The following BMPR2 variants were observed in gnomAD, a reference collection of about 807,000 sequenced individuals.
The protein encoded by BMPR2 is bone morphogenetic protein receptor type 2.
A neutral mutation model predicts 100.8 loss-of-function variants in BMPR2; 29 were observed. The observed-to-expected ratio is 0.29, with a 90% CI of 0.21 to 0.39. BMPR2 has a LOEUF of 0.39. Ranked by LOEUF, BMPR2 falls within the 10% of genes least tolerant of loss-of-function variation. BMPR2 has a pLI of 1.00. For missense variants in BMPR2, 1,011 were observed against 1,274.5 expected, an observed-to-expected ratio of 0.79 and a Z score of 3.15; for synonymous variants, 382 against 442.3, an observed-to-expected ratio of 0.86 and a Z score of 1.71.
intron 3 of BMPR2, among the ~76,000 whole-genome samples, chr2:202,489,998 G>T (rs1251250696): frequency 6.6e-6 from 1 of 152,140 alleles, no homozygotes; most frequent in South Asian, 2.1e-4. Context: ...TCAGCTTCAG[G>T]CTTCAGGATC....
At chr2:202,384,562 TTCTTTC>T (rs1369579670) in intron 1 of BMPR2, among the ~76,000 whole-genome samples, 1 of 17,726 alleles carries the variant, frequency 5.6e-5, no homozygotes, top group East Asian at 1.0e-3. Context: ...CTTTCTTTCT[TTCTTTC>T]TTTTTCTTTC....
chr2:202,536,462 G>C (rs1688159294), intron 9 of BMPR2, among the ~76,000 whole-genome samples: 2 of 152,118 alleles, frequency 1.3e-5, no homozygotes, highest in Non-Finnish European at 2.9e-5. Context: ...TCAGTGATTA[G>C]TAGATTAAGT....
intron 1 of BMPR2, among the ~76,000 whole-genome samples, chr2:202,383,946 T>G (rs1405517909): frequency 1.3e-5 from 2 of 151,832 alleles, no homozygotes; most frequent in Non-Finnish European, 2.9e-5. Context: ...CCGAGGCTGG[T>G]GGATCAACTG....
At chr2:202,518,223 C>T (rs1010225849) in intron 5 of BMPR2, among the ~76,000 whole-genome samples, 3 of 147,228 alleles carry the variant, frequency 2.0e-5, no homozygotes, top group Admixed American at 1.4e-4. Flanking sequence ...CTGCAACCTC[C>T]GTTTCCTGGG....
intron 3 of BMPR2, among the ~76,000 whole-genome samples, chr2:202,504,059 C>T (rs867170517): frequency 9.9e-5 from 15 of 152,124 alleles, no homozygotes; most frequent in Middle Eastern, 3.4e-3. Flanking sequence ...CTGGTGGGGA[C>T]GTGGAGAACC....
intron 1 of BMPR2, among the ~76,000 whole-genome samples, chr2:202,392,443 A>G (rs1323149261): frequency 2.0e-5 from 3 of 149,566 alleles, no homozygotes; most frequent in Non-Finnish European, 4.5e-5. Context: ...ACTGAATTCC[A>G]AATAAAGAAA....
At chr2:202,511,767 C>T (rs1687629673) in intron 3 of BMPR2, among the ~76,000 whole-genome samples, 1 of 151,798 alleles carries the variant, frequency 6.6e-6, no homozygotes, top group South Asian at 2.1e-4. Flanking sequence ...ACCTGTAATC[C>T]CAGCACTTTG....
rs574360030 is a variant in BMPR2, at chr2:202,535,583, C to T, written c.1276+2851C>T. Among the ~76,000 whole-genome samples the T allele has an allele frequency of 4.0e-5, 6 of 150,874 alleles. No homozygotes were observed. In the South Asian group the frequency reaches 8.4e-4, roughly 21 times the overall value. ...AGATGGGATGGCGGCCGGGCGGAGACGCTCCCCACTTTCCAGACTGGGCAG... is the reference window on the plus strand; with the variant it reads ...AGATGGGATGGCGGCCGGGCGGAGATGCTCCCCACTTTCCAGACTGGGCAG... On this transcript the variant is annotated intron_variant, in intron 9 of 12. Transcript: ENST00000374580.
At chr2:202,452,565 T>C (rs917673347) in intron 1 of BMPR2, among the ~76,000 whole-genome samples, 5 of 152,180 alleles carry the variant, frequency 3.3e-5, no homozygotes, top group Admixed American at 3.3e-4. Flanking sequence ...GGAGGATCAC[T>C]TGAGCCCAGG....
At position 202,467,566 on chromosome 2, in the gene BMPR2, T is replaced by C. The variant is rs863223425; in HGVS notation, c.295T>C (p.Cys99Arg). ...TCCCCAAGAGTGTCACTATGAAGAA[T>C]GTGTAGTAACTACCACTCCTCCCTC... ...GDPQECHYEE[C>R]VVTTTPPSIQ... The change falls in exon 3 of 13, where the codon TGT (cysteine) becomes CGT (arginine). Residue 99 changes from cysteine (C) to arginine (R), a missense_variant. Physicochemically the swap from Cys to Arg is radical, Grantham distance 180 (BLOSUM62 -3). Transcript: ENST00000374580. 1 of 1,572,722 alleles carries C rather than the reference T, an allele frequency of 6.4e-7. No individual in the cohort carries two copies. The highest frequency in any genetic ancestry group is 8.8e-7 in the Non-Finnish European group (1 of 1,142,474).
intron 1 of BMPR2, among the ~76,000 whole-genome samples, chr2:202,391,711 G>T (rs888135049): frequency 7.0e-6 from 1 of 143,816 alleles, no homozygotes; most frequent in Non-Finnish European, 1.5e-5. Context: ...TCAGCCCCCC[G>T]AGTAGCTGGG....
intron 1 of BMPR2, among the ~76,000 whole-genome samples, chr2:202,387,688 G>A (rs1055459692): frequency 6.6e-6 from 1 of 152,162 alleles, no homozygotes; most frequent in African/African-American, 2.4e-5. Context: ...AAAATTCATT[G>A]AAGATTCAAA....
chr2:202,515,568 C>T lies in BMPR2; in HGVS notation c.621+589C>T, dbSNP rs1687697782. On this transcript the variant is annotated intron_variant, in intron 5 of 12. Coordinates refer to ENST00000374580, the MANE Select transcript of BMPR2 (RefSeq NM_001204.7). ...CCTGGGCAACAAGAGCGAAACTCTG[C>T]CACAAAAAAAAAAAAAAGAAAGAAA... is the stretch of plus-strand genomic sequence containing the variant. 2.1e-5 allele frequency among the ~76,000 whole-genome samples: 3 copies of T among 143,672 alleles called. No individual in the cohort carries two copies. The Admixed American group carries it at 2.1e-4, about 10-fold the overall frequency. The allele number at this position is 143,672 out of a possible 152,430, so 94.3% of individuals were successfully genotyped here. A position where few individuals can be genotyped will look rare whatever the true frequency, so the allele number is the denominator to read the frequency against.
intron 5 of BMPR2, among the ~76,000 whole-genome samples, chr2:202,518,106 G>GT (rs1687750129): frequency 7.2e-6 from 1 of 138,370 alleles, no homozygotes; most frequent in Non-Finnish European, 1.5e-5. Flanking sequence ...GATTACAGGC[G>GT]TGAGCCACCG....
chr2:202,559,944 T>C lies in BMPR2; in HGVS notation c.3115T>C (p.Ter1039ArgextTer8). Residue 1039 changes from the stop codon to arginine, a stop_lost, in exon 13 of 13, where the codon TGA becomes CGA. Coordinates refer to ENST00000374580, the MANE Select transcript of BMPR2 (RefSeq NM_001204.7). ...TAAAGATATAGGAATGAACTGTCTG[T>C]GAAATGTTTTCAAGCCTATGGAGTG... Reference protein sequence around the residue: ...VSKDIGMNCL* With the variant: ...VSKDIGMNCLR 6.2e-7 allele frequency: 1 copy of C among 1,614,032 alleles called. No homozygotes were observed. Among genetic ancestry groups the C allele is most frequent in the South Asian group, 1.1e-5 (1 of 91,078 alleles).
chr2:202,551,478 C>T (rs992769744), intron 10 of BMPR2, among the ~76,000 whole-genome samples: 2 of 151,916 alleles, frequency 1.3e-5, no homozygotes, highest in Non-Finnish European at 2.9e-5. Context: ...GAGCAGAGAT[C>T]GTGCCACTGT....
intron 1 of BMPR2, among the ~76,000 whole-genome samples, chr2:202,430,241 A>G (rs1691476670): frequency 6.6e-6 from 1 of 152,126 alleles, no homozygotes; most frequent in Non-Finnish European, 1.5e-5. Flanking sequence ...AGTCACACTG[A>G]GGGGGGATAG....
At chr2:202,450,130 A>C (rs985247918) in intron 1 of BMPR2, among the ~76,000 whole-genome samples, 5 of 151,964 alleles carry the variant, frequency 3.3e-5, no homozygotes, top group Admixed American at 6.6e-5. Flanking sequence ...AACAAGAACA[A>C]CAACAAAAAA....
At chr2:202,394,016 A>G (rs182100117) in intron 1 of BMPR2, among the ~76,000 whole-genome samples, 2 of 151,460 alleles carry the variant, frequency 1.3e-5, no homozygotes, top group East Asian at 3.9e-4. Context: ...TCTGTTGCTA[A>G]TGAATATTTC....
Sources: gnomAD v4.1 joint callset for allele counts (sites outside exome capture counted in the v4.1 genomes callset) on GRCh38, gnomAD v4.1.1 for gene constraint, MANE v1.5 for transcripts, NCBI Gene and HGNC (gene_info 2026-07-23, HGNC 2026-07-21) for gene names.